Variants in BRSK2 observed in about 807,000 individuals in gnomAD.
BRSK2 encodes the protein serine/threonine-protein kinase BRSK2.
Under a neutral mutation model 83.3 loss-of-function variants are expected in BRSK2, and 19 were observed. The ratio of observed to expected loss-of-function variants is 0.23; its 90% confidence interval spans 0.16 to 0.33. The LOEUF (loss-of-function observed/expected upper bound fraction) is 0.33. BRSK2 is among the 10% of genes least tolerant of loss of function. The pLI is 1.00. For missense variants in BRSK2, 798 were observed against 1,042.3 expected, an observed-to-expected ratio of 0.77 and a Z score of 3.23; for synonymous variants, 519 against 435.4, an observed-to-expected ratio of 1.19 and a Z score of -2.39.
At position 1,390,369 on chromosome 11, in the gene BRSK2, C is replaced by G; in HGVS notation, c.85C>G (p.Gln29Glu). 1 of 1,029,356 alleles carries G rather than the reference C, an allele frequency of 9.7e-7. No homozygotes were observed. The highest frequency in any genetic ancestry group is 1.2e-6 in the Non-Finnish European group (1 of 850,060). The allele number at this position is 1,029,356 out of a possible 1,614,324, so 63.8% of individuals were successfully genotyped here. A position where few individuals can be genotyped will look rare whatever the true frequency, so the allele number is the denominator to read the frequency against. ...GCTGGAGAAGACGCTGGGCAAGGGGCAGACAGGTGCGTGCGGCCGGGGCGG... is the reference window on the plus strand; with the variant it reads ...GCTGGAGAAGACGCTGGGCAAGGGGGAGACAGGTGCGTGCGGCCGGGGCGG... ...YRLEKTLGKG[Q>E]TGLVKLGVHC... Residue 29 changes from glutamine to glutamate, a missense_variant, in exon 1 of 20, where the codon CAG becomes GAG. Transcript: ENST00000528841. The surrounding 1 kb of genome is among the most constrained non-coding windows in gnomAD (Gnocchi z 6.8).
intron 18 of BRSK2, chr11:1,457,105 G>C (rs1846676361): frequency 6.9e-7 from 1 of 1,449,862 alleles, no homozygotes; most frequent in Non-Finnish European, 9.2e-7. Flanking sequence ...GTCCTCGGCG[G>C]AGCCAGGCTG....
At position 1,390,239 on chromosome 11, in the gene BRSK2, TGCCCGCGCGCCC is replaced by T; in HGVS notation, c.-44_-33del. Reference sequence around the variant, plus strand: ...GGGCGGACGCTGGGCGGCCCCTCCCTGCCCGCGCGCCCGGGCGCCCCTGGCCGGCGCCGGGCC... The same window carrying T: ...GGGCGGACGCTGGGCGGCCCCTCCCTGGGCGCCCCTGGCCGGCGCCGGGCC... On this transcript the variant is annotated 5_prime_UTR_variant, in exon 1 of 20. Coordinates refer to ENST00000528841, the MANE Select transcript of BRSK2 (RefSeq NM_001256627.2). This position sits in a 1 kb window ranked among gnomAD's most constrained non-coding sequence, Gnocchi z 6.8. 2.1e-6 allele frequency: 2 copies of T among 966,228 alleles called. No homozygotes were observed. Among genetic ancestry groups the T allele is most frequent in the Non-Finnish European group, 2.5e-6 (2 of 808,228 alleles). 59.9% of individuals were successfully genotyped at this position (966,228 alleles called of 1,614,324 possible).
At chr11:1,407,212 C>T (rs1012701909) in intron 1 of BRSK2, among the ~76,000 whole-genome samples, 2 of 152,150 alleles carry the variant, frequency 1.3e-5, no homozygotes, top group Non-Finnish European at 2.9e-5. Flanking sequence ...CTGATGTCTC[C>T]TTCCCACCCC....
At chr11:1,419,189 G>A (rs1380268000) in intron 1 of BRSK2, among the ~76,000 whole-genome samples, 2 of 150,578 alleles carry the variant, frequency 1.3e-5, no homozygotes, top group Non-Finnish European at 1.5e-5. Flanking sequence ...GGCTCTGCAG[G>A]TGCGTGTCAG....
chr11:1,454,261 T>G lies in BRSK2; in HGVS notation c.1545-224T>G. 2.1e-6 allele frequency: 1 copy of G among 474,664 alleles called. No individual in the cohort carries two copies. 29.4% of individuals were successfully genotyped at this position (474,664 alleles called of 1,614,324 possible). ...CAGGGCGTTAGGGCTTGGAGAAAGGTTAGGGTTGGGGTTGGGGTTAGAGCC... is the reference window on the plus strand; with the variant it reads ...CAGGGCGTTAGGGCTTGGAGAAAGGGTAGGGTTGGGGTTGGGGTTAGAGCC... On this transcript the variant is annotated intron_variant, in intron 15 of 19. Transcript: ENST00000528841. The surrounding 1 kb of genome is among the most constrained non-coding windows in gnomAD (Gnocchi z 5.2).
intron 12 of BRSK2, among the ~76,000 whole-genome samples, chr11:1,448,136 G>T (rs908332133): frequency 1.3e-5 from 2 of 152,184 alleles, no homozygotes; most frequent in African/African-American, 2.4e-5. Context: ...GCTGCAGGCC[G>T]AGCCGCTCCT....
At chr11:1,436,157 GCGGGGCCGGCGGT>G (rs1170825593) in intron 2 of BRSK2, 23 bp downstream of exon 2, 1 of 847,918 alleles carries the variant, frequency 1.2e-6, no homozygotes, top group Non-Finnish European at 1.7e-6. Context: ...GGGGAGGGAG[GCGGGGCCGGCGGT>G]GGGGTGGGGC....
At position 1,454,393 on chromosome 11, in the gene BRSK2, G is replaced by A; in HGVS notation, c.1545-92G>A. The A allele has an allele frequency of 2.0e-6, 3 of 1,471,822 alleles. No homozygotes were observed. Among genetic ancestry groups the A allele is most frequent in the Non-Finnish European group, 2.8e-6 (3 of 1,065,414 alleles). 91.2% of individuals were successfully genotyped at this position (1,471,822 alleles called of 1,614,324 possible). On this transcript the variant is annotated intron_variant, in intron 15 of 19. Transcript: ENST00000528841. The surrounding 1 kb of genome is among the most constrained non-coding windows in gnomAD (Gnocchi z 5.2). ...CCGTTTCTATCACGAAGCGATGGAA[G>A]ATTCCGCCGTTCCAACCCCAGATTC...
chr11:1,413,646 G>A (rs1847796557), intron 1 of BRSK2, among the ~76,000 whole-genome samples: 1 of 152,242 alleles, frequency 6.6e-6, no homozygotes. Flanking sequence ...TGTGGCCTGG[G>A]CTCCCTGCAC....
chr11:1,402,949 C>T (rs988660697), intron 1 of BRSK2, among the ~76,000 whole-genome samples: 11 of 152,110 alleles, frequency 7.2e-5, no homozygotes, highest in Admixed American at 1.3e-4. Context: ...TGTGACTCAT[C>T]GTAAAGTGCA....
At chr11:1,450,250 G>GC (rs1253206017) in intron 13 of BRSK2, among the ~76,000 whole-genome samples, 1 of 131,386 alleles carries the variant, frequency 7.6e-6, no homozygotes, top group Non-Finnish European at 1.6e-5. Context: ...TGCCCCCACC[G>GC]CCCCCCGAGC....
At chr11:1,407,277 C>G (rs1448076639) in intron 1 of BRSK2, among the ~76,000 whole-genome samples, 1 of 152,136 alleles carries the variant, frequency 6.6e-6, no homozygotes, top group Non-Finnish European at 1.5e-5. Context: ...CCGCTGGCCA[C>G]CTCTGCTGTG....
In BRSK2 at chr11:1,460,599, G is replaced by A; in HGVS notation, c.2087G>A (p.Ser696Asn). 6.5e-7 allele frequency: 1 copy of A among 1,532,834 alleles called. No individual in the cohort carries two copies. Among genetic ancestry groups the A allele is most frequent in the Non-Finnish European group, 8.7e-7 (1 of 1,145,070 alleles). The allele number at this position is 1,532,834 out of a possible 1,614,324, so 95.0% of individuals were successfully genotyped here. Reference protein sequence around the residue: ...AQAPSTPAKRSAHGPLGDSAA... With the variant: ...AQAPSTPAKRNAHGPLGDSAA... Reference sequence around the variant, plus strand: ...GCCCCCAGCACGCCCGCCAAGCGGAGTGCCCACGGCCCACTCGGTGACTCC... The same window carrying A: ...GCCCCCAGCACGCCCGCCAAGCGGAATGCCCACGGCCCACTCGGTGACTCC... The change falls in exon 20 of 20, where the codon AGT becomes AAT. Residue 696 changes from serine (S) to asparagine (N), a missense_variant. Around this residue, in one of 6 missense-constraint regions of BRSK2, gnomAD observed 455 missense variants for 455.2 expected, o/e 1.00. Transcript: ENST00000528841.
At chr11:1,449,131 C>T (rs1845486600) in intron 12 of BRSK2, among the ~76,000 whole-genome samples, 1 of 152,234 alleles carries the variant, frequency 6.6e-6, no homozygotes, top group African/African-American at 2.4e-5. Flanking sequence ...GTGGCGGCCA[C>T]ACACCGGAGT....
intron 12 of BRSK2, among the ~76,000 whole-genome samples, chr11:1,446,630 G>A (rs1001467026): frequency 1.3e-5 from 2 of 151,858 alleles, no homozygotes; most frequent in Non-Finnish European, 2.9e-5. Context: ...CCCGTGGCCG[G>A]AGGAAGGGCA....
chr11:1,450,557 C>A, intron 13 of BRSK2, 30 bp from the exon 14 acceptor site: 2 of 1,376,708 alleles, frequency 1.5e-6, no homozygotes, highest in Non-Finnish European at 2.0e-6. Flanking sequence ...CGGGATTGAA[C>A]CAAACACCAA....
At chr11:1,440,202 G>A (rs1035285324) in intron 3 of BRSK2, among the ~76,000 whole-genome samples, 14 of 152,166 alleles carry the variant, frequency 9.2e-5, no homozygotes, top group South Asian at 2.1e-4. Context: ...GACCCTCCAT[G>A]TGGCTGAGAC....
intron 9 of BRSK2, 42 bp from the exon 10 acceptor site, chr11:1,445,252 C>A: frequency 6.4e-7 from 1 of 1,567,926 alleles, no homozygotes; most frequent in Non-Finnish European, 8.6e-7. Context: ...CGCCCAGGCC[C>A]GGCCGGAGCT....
intron 1 of BRSK2, among the ~76,000 whole-genome samples, chr11:1,417,024 T>C (rs1848168538): frequency 6.6e-6 from 1 of 151,982 alleles, no homozygotes; most frequent in Admixed American, 6.6e-5. Flanking sequence ...CCAGGTGTAG[T>C]GGCAGGCACC....
Sources: gnomAD v4.1 joint callset for allele counts (sites outside exome capture counted in the v4.1 genomes callset) on GRCh38, gnomAD v4.1.1 for gene constraint, gnomAD v4.1.1 regional missense constraint, Gnocchi (gnomAD v3.1) non-coding constraint, MANE v1.5 for transcripts, NCBI Gene and HGNC (gene_info 2026-07-23, HGNC 2026-07-21) for gene names.